Variants in CSMD1 observed in about 807,000 individuals in gnomAD.
The protein encoded by CSMD1 is CUB and sushi domain-containing protein 1.
A neutral mutation model predicts 417.5 loss-of-function variants in CSMD1; 213 were observed. The ratio of observed to expected loss-of-function variants is 0.51; its 90% CI spans 0.46 to 0.57. The LOEUF (loss-of-function observed/expected upper bound fraction) is 0.57, where lower values mean the gene tolerates loss of function less well. Ranked by LOEUF, CSMD1 falls within the 20% of genes least tolerant of loss-of-function variation. The pLI is 0.00. For synonymous variants in CSMD1, 2,862 were observed against 1,736.8 expected, an observed-to-expected ratio of 1.65 and a Z score of -16.11; for missense variants, 6,923 against 4,529.7, an observed-to-expected ratio of 1.53 and a Z score of -15.17.
At chr8:4,458,720 G>A (rs920099254) in intron 2 of CSMD1, among the ~76,000 whole-genome samples, 4 of 152,102 alleles carry the variant, frequency 2.6e-5, no homozygotes, top group African/African-American at 7.2e-5. Flanking sequence ...CTTTATTAGT[G>A]GGAAAAATAT....
At chr8:4,274,605 C>G (rs1034545617) in intron 3 of CSMD1, among the ~76,000 whole-genome samples, 1 of 152,092 alleles carries the variant, frequency 6.6e-6, no homozygotes, top group South Asian at 2.1e-4. Flanking sequence ...ATAGATTAAT[C>G]TATGAAATTT....
chr8:3,441,634 G>A (rs1434321064), intron 12 of CSMD1, among the ~76,000 whole-genome samples: 1 of 151,932 alleles, frequency 6.6e-6, no homozygotes, highest in South Asian at 2.1e-4. Flanking sequence ...TGACATAGTA[G>A]CCATTGATCA....
intron 1 of CSMD1, among the ~76,000 whole-genome samples, chr8:4,771,666 A>T (rs895230563): frequency 6.6e-6 from 1 of 152,236 alleles, no homozygotes; most frequent in Non-Finnish European, 1.5e-5. Context: ...AAATTAAAAC[A>T]TACGCAAAGT....
chr8:4,650,223 T>C (rs1257978509), intron 1 of CSMD1, among the ~76,000 whole-genome samples: 1 of 151,728 alleles, frequency 6.6e-6, no homozygotes, highest in African/African-American at 2.4e-5. Context: ...CGGGCGCCTG[T>C]AGTCCCAGCT....
chr8:3,191,911 C>T (rs1796448034), intron 33 of CSMD1, among the ~76,000 whole-genome samples: 2 of 152,146 alleles, frequency 1.3e-5, no homozygotes, highest in Non-Finnish European at 2.9e-5. Flanking sequence ...ATGCACAGTC[C>T]TTTAGCAGAA....
rs542896461 is a variant in CSMD1, at chr8:4,627,208, A to T, written c.302+10134T>A. Among the ~76,000 whole-genome samples the T allele has an allele frequency of 2.6e-5, 4 of 152,286 alleles. No homozygotes were observed. The South Asian group carries it at 8.3e-4, about 32-fold the overall frequency. ...GCTACTCTTAGAGGTTGAAAGGATA[A>T]ATCAGCAACAGACTTTGCTGTCCAG... is the stretch of plus-strand genomic sequence containing the variant. On this transcript the variant is annotated intron_variant, in intron 2 of 69. Transcript: ENST00000635120.
chr8:3,970,971 G>A (rs142908162), intron 5 of CSMD1, among the ~76,000 whole-genome samples: 6,801 of 152,104 alleles, frequency 0.045, 196 homozygotes, highest in African/African-American at 0.088. Flanking sequence ...GGCTGGTCTC[G>A]AAGTCCTGAC....
intron 5 of CSMD1, among the ~76,000 whole-genome samples, chr8:3,935,246 A>T (rs551604783): frequency 6.6e-6 from 1 of 152,334 alleles, no homozygotes; most frequent in Non-Finnish European, 1.5e-5. Flanking sequence ...AATGTAGAAG[A>T]ACAGAATCAT....
At chr8:4,492,600 T>A (rs1801761948) in intron 2 of CSMD1, among the ~76,000 whole-genome samples, 1 of 152,172 alleles carries the variant, frequency 6.6e-6, no homozygotes, top group African/African-American at 2.4e-5. Flanking sequence ...GATTAAATAT[T>A]TTGGTTTAAT....
At chr8:3,147,027 T>C (rs1818886967) in intron 40 of CSMD1, among the ~76,000 whole-genome samples, 1 of 152,006 alleles carries the variant, frequency 6.6e-6, no homozygotes, top group African/African-American at 2.4e-5. Flanking sequence ...AATAACGTCT[T>C]ATATTCCGGA....
rs79504090 is a variant in CSMD1 at position 3,947,257 on chromosome 8, A to G, written c.818+50646T>C. ...TAAACAGATGCTGAATTTTTATCTAATGTTCTTTCCACATTTATTGACGTG... is the reference window on the plus strand; with the variant it reads ...TAAACAGATGCTGAATTTTTATCTAGTGTTCTTTCCACATTTATTGACGTG... On this transcript the variant is annotated intron_variant, in intron 5 of 69. Coordinates refer to ENST00000635120, the MANE Select transcript of CSMD1 (RefSeq NM_033225.6). 7.6e-3 allele frequency among the ~76,000 whole-genome samples: 1,156 copies of G among 152,236 alleles called. 19 individuals carry two copies. Among genetic ancestry groups the G allele is most frequent in the African/African-American group, 0.027 (1,122 of 41,546 alleles).
At chr8:3,965,230 ACGGCAAATG>A (rs1351332992) in intron 5 of CSMD1, among the ~76,000 whole-genome samples, 1 of 152,172 alleles carries the variant, frequency 6.6e-6, no homozygotes, top group Non-Finnish European at 1.5e-5. Flanking sequence ...TTGAACAGAG[ACGGCAAATG>A]CTTTCCACTC....
chr8:4,109,502 G>T (rs920663196), intron 3 of CSMD1, among the ~76,000 whole-genome samples: 6 of 152,134 alleles, frequency 3.9e-5, no homozygotes, highest in Admixed American at 2.0e-4. Flanking sequence ...TGCTGTGCAT[G>T]AATAAGTAGA....
Position 4,489,553 on chromosome 8 carries a change from A to C in CSMD1, c.303-69488T>G, listed in dbSNP as rs114435940. Among the ~76,000 whole-genome samples, 382 of 152,296 alleles carry C rather than the reference A, an allele frequency of 2.5e-3. 1 individual carries two copies. Among genetic ancestry groups the C allele is most frequent in the African/African-American group, 8.9e-3 (369 of 41,556 alleles). On this transcript the variant is annotated intron_variant, in intron 2 of 69. Coordinates refer to ENST00000635120, the MANE Select transcript of CSMD1 (RefSeq NM_033225.6). ...TCAATGATTGTGTGGCAGACAGGCT[A>C]TGAAGGTGCCACCCTCCCCATCCCT...
At position 4,906,135 on chromosome 8, in the gene CSMD1, T is replaced by C. The variant is rs538818969; in HGVS notation, c.85+88197A>G. ...TGATATATGGTAGGTTTCTAGATGCTACCTGCACTCTTCGCTTCAAAGGAA... is the reference window on the plus strand; with the variant it reads ...TGATATATGGTAGGTTTCTAGATGCCACCTGCACTCTTCGCTTCAAAGGAA... On this transcript the variant is annotated intron_variant, in intron 1 of 69. Transcript: ENST00000635120. Among the ~76,000 whole-genome samples, 35 of 152,316 alleles carry C rather than the reference T, an allele frequency of 2.3e-4. No homozygotes were observed. In the South Asian group the frequency reaches 5.6e-3, roughly 24 times the overall value.
chr8:3,138,801 T>C (rs952580008), intron 41 of CSMD1, among the ~76,000 whole-genome samples: 10 of 152,180 alleles, frequency 6.6e-5, no homozygotes, highest in African/African-American at 2.2e-4. Context: ...AATAAGAGCT[T>C]AGCCAGAGAG....
chr8:3,091,079 T>C (rs1814910490), intron 48 of CSMD1, among the ~76,000 whole-genome samples: 1 of 152,012 alleles, frequency 6.6e-6, no homozygotes, highest in South Asian at 2.1e-4. Context: ...CACATATATG[T>C]AGTGTGAAAC....
intron 18 of CSMD1, among the ~76,000 whole-genome samples, chr8:3,384,998 T>C (rs1810902562): frequency 1.1e-5 from 1 of 88,724 alleles, no homozygotes; most frequent in Non-Finnish European, 2.0e-5. Flanking sequence ...ATACATATGC[T>C]ATTTATATAT....
At chr8:3,470,088 T>C (rs925733707) in intron 11 of CSMD1, among the ~76,000 whole-genome samples, 5 of 152,168 alleles carry the variant, frequency 3.3e-5, no homozygotes, top group Non-Finnish European at 5.9e-5. Flanking sequence ...CTTAGACAAT[T>C]ACCAACACCC....
Sources: allele counts gnomAD v4.1 joint callset (sites outside exome capture counted in the v4.1 genomes callset), GRCh38; gene constraint gnomAD v4.1.1; transcripts MANE v1.5; gene names NCBI Gene and HGNC (gene_info 2026-07-23, HGNC 2026-07-21).